Variants in ST3GAL5 observed in about 807,000 individuals in gnomAD.
ST3GAL5 encodes the protein ST3 beta-galactoside alpha-2,3-sialyltransferase 5.
Under a neutral mutation model 46.1 loss-of-function variants are expected in ST3GAL5, and 25 were observed. The observed-to-expected ratio is 0.54, with a 90% CI of 0.40 to 0.76. The LOEUF is 0.76. Among genes scored for constraint, ST3GAL5 ranks in the 30% least tolerant of loss-of-function variants. The probability of loss-of-function intolerance (pLI) is 0.00; values close to 1 mark genes in which losing one functional copy is unlikely to be tolerated. For missense variants in ST3GAL5, 431 were observed against 521.2 expected, an observed-to-expected ratio of 0.83 and a Z score of 1.69; for synonymous variants, 182 against 192.7, an observed-to-expected ratio of 0.94 and a Z score of 0.46.
At chr2:85,887,019 C>T (rs1687837988) in intron 1 of ST3GAL5, among the ~76,000 whole-genome samples, 1 of 152,148 alleles carries the variant, frequency 6.6e-6, no homozygotes, top group African/African-American at 2.4e-5. Context: ...GAGCTTTATC[C>T]CTTCTCCCAG....
Position 85,839,873 on chromosome 2 carries a change from CAA to C in ST3GAL5, c.*269_*270del, listed in dbSNP as rs1681797542. 2.0e-6 allele frequency: 1 copy of C among 490,170 alleles called. No homozygotes were observed. The highest frequency in any genetic ancestry group is 3.7e-6 in the Non-Finnish European group (1 of 270,394). The allele number at this position is 490,170 out of a possible 1,614,324, so 30.4% of individuals were successfully genotyped here. On this transcript the variant is annotated 3_prime_UTR_variant, in exon 7 of 7. Coordinates refer to ENST00000638572, the MANE Select transcript of ST3GAL5 (RefSeq NM_003896.4). ...TAAATTACTTTCTTAAAAATCAATACAACATCGTTACATACAATTCTCTTTGA... is the reference window on the plus strand; with the variant it reads ...TAAATTACTTTCTTAAAAATCAATACCATCGTTACATACAATTCTCTTTGA...
At chr2:85,841,396 G>A (rs1220050859) in intron 6 of ST3GAL5, among the ~76,000 whole-genome samples, 2 of 151,940 alleles carry the variant, frequency 1.3e-5, no homozygotes, top group South Asian at 4.2e-4. Context: ...ACAGTGGCGC[G>A]ATCACGGCTC....
In ST3GAL5 at chr2:85,848,174, G is replaced by T. The variant is rs1167287805; in HGVS notation, c.349C>A (p.Gln117Lys). The T allele has an allele frequency of 6.2e-7, 1 of 1,614,196 alleles. No individual in the cohort carries two copies. Among genetic ancestry groups the T allele is most frequent in the Admixed American group, 1.7e-5 (1 of 60,022 alleles). The change falls in exon 4 of 7, where the codon CAG becomes AAG. Residue 117 changes from glutamine to lysine, a missense_variant. Gln to Lys is a moderately conservative substitution (Grantham distance 53). Transcript: ENST00000638572. ...GCAAACTTGGGACGACATTCCTTCT[G>T]CAAGACTTGCTGAGCATATTTCTGA... is the stretch of plus-strand genomic sequence containing the variant. Reference protein sequence around the residue: ...RAQKYAQQVLQKECRPKFAKT... With the variant: ...RAQKYAQQVLKKECRPKFAKT...
At chr2:85,859,074 G>T (rs560285583) in intron 3 of ST3GAL5, among the ~76,000 whole-genome samples, 1 of 152,272 alleles carries the variant, frequency 6.6e-6, no homozygotes, top group East Asian at 1.9e-4. Flanking sequence ...GGCTGGACAG[G>T]AAAACTACTA....
chr2:85,872,408 C>T (rs1163291564), intron 1 of ST3GAL5, among the ~76,000 whole-genome samples: 1 of 152,026 alleles, frequency 6.6e-6, no homozygotes, highest in Non-Finnish European at 1.5e-5. Context: ...CATGGTGAAA[C>T]CCCATCTCTA....
At chr2:85,856,202 G>A (rs1036470909) in intron 3 of ST3GAL5, 4 of 152,152 alleles carry the variant, frequency 2.6e-5, no homozygotes, top group African/African-American at 7.2e-5. Flanking sequence ...TCCACTAACT[G>A]ATGAATGGAT....
chr2:85,856,310 T>C (rs1684102608), intron 3 of ST3GAL5: 1 of 152,102 alleles, frequency 6.6e-6, no homozygotes, highest in South Asian at 2.1e-4. Context: ...CAAAACATTA[T>C]CCTAAGTGAA....
At chr2:85,842,002 G>A (rs961862350) in intron 6 of ST3GAL5, among the ~76,000 whole-genome samples, 1 of 152,032 alleles carries the variant, frequency 6.6e-6, no homozygotes, top group South Asian at 2.1e-4. Flanking sequence ...CATCTTAGTT[G>A]AGCTTGTGGC....
intron 1 of ST3GAL5, among the ~76,000 whole-genome samples, chr2:85,876,462 CTTTTTTTTTT>C (rs59265377): frequency 2.7e-5 from 3 of 111,250 alleles, no homozygotes; most frequent in Admixed American, 1.1e-4. Flanking sequence ...TTTCTTTTTC[CTTTTTTTTTT>C]TTTTTTTTTG....
Position 85,888,982 on chromosome 2 carries a change from C to T in ST3GAL5, c.-77G>A. The T allele has an allele frequency of 2.6e-6, 3 of 1,151,972 alleles. No homozygotes were observed. Among genetic ancestry groups the T allele is most frequent in the Non-Finnish European group, 3.3e-6 (3 of 914,464 alleles). 71.4% of individuals were successfully genotyped at this position (1,151,972 alleles called of 1,614,324 possible). A position where few individuals can be genotyped will look rare whatever the true frequency, so the allele number is the denominator to read the frequency against. On this transcript the variant is annotated 5_prime_UTR_variant, in exon 1 of 7. The change abolishes an upstream ATG in the 5' untranslated region. Transcript: ENST00000638572. ...CCGCCCCCAGCGCCGCTCTCGCGCC[C>T]ATTCAGCTGGGGGCCGCCGCTCCCC...
At chr2:85,851,592 T>C (rs1171260507) in intron 3 of ST3GAL5, 6 of 1,289,444 alleles carry the variant, frequency 4.7e-6, no homozygotes, top group Non-Finnish European at 6.1e-6. Context: ...CCCACATCTT[T>C]AAGTAAGTTG....
intron 1 of ST3GAL5, among the ~76,000 whole-genome samples, chr2:85,869,500 G>C (rs1433798646): frequency 6.6e-6 from 1 of 151,770 alleles, no homozygotes; most frequent in Non-Finnish European, 1.5e-5. Context: ...TTTAAGCTAT[G>C]AAAAGACATT....
At chr2:85,840,502 G>C (rs974300453) in intron 6 of ST3GAL5, 110 bp from the exon 7 acceptor site, 2 of 1,153,326 alleles carry the variant, frequency 1.7e-6, no homozygotes, top group African/African-American at 3.1e-5. Flanking sequence ...ATTGGGGGCT[G>C]CAATTTCATA....
intron 3 of ST3GAL5, among the ~76,000 whole-genome samples, chr2:85,858,684 G>A (rs1684414695): frequency 6.6e-6 from 1 of 152,114 alleles, no homozygotes; most frequent in South Asian, 2.1e-4. Flanking sequence ...TGGATGCCTG[G>A]GACCGTCAAA....
chr2:85,864,276 T>C (rs993317265), intron 1 of ST3GAL5, among the ~76,000 whole-genome samples: 6 of 152,170 alleles, frequency 3.9e-5, no homozygotes, highest in Non-Finnish European at 7.3e-5. Context: ...TACAACCGCA[T>C]GTGAATACAA....
intron 1 of ST3GAL5, chr2:85,888,488 A>C: frequency 5.5e-6 from 1 of 181,998 alleles, no homozygotes; most frequent in Non-Finnish European, 1.1e-5. Context: ...CGGCTCTGCT[A>C]ACTCCGAAGC....
At position 85,838,404 on chromosome 2, in the gene ST3GAL5, G is replaced by C. The variant is rs1404286879; in HGVS notation, c.*1740C>G. Reference sequence around the variant, plus strand: ...CAATAACCCCCTGAGGGATGTAGGGGTGGAGCTGTGTGGTGTAAGCCCAGC... The same window carrying C: ...CAATAACCCCCTGAGGGATGTAGGGCTGGAGCTGTGTGGTGTAAGCCCAGC... On this transcript the variant is annotated 3_prime_UTR_variant, in exon 7 of 7. Coordinates refer to ENST00000638572, the MANE Select transcript of ST3GAL5 (RefSeq NM_003896.4). The C allele has an allele frequency of 6.6e-6, 1 of 152,188 alleles. No individual in the cohort carries two copies. The highest frequency in any genetic ancestry group is 2.4e-5 in the African/African-American group (1 of 41,458). 9.4% of individuals were successfully genotyped at this position (152,188 alleles called of 1,614,324 possible).
chr2:85,876,462 CTTTTTTTTTTT>C (rs59265377), intron 1 of ST3GAL5, among the ~76,000 whole-genome samples: 3 of 111,250 alleles, frequency 2.7e-5, no homozygotes, highest in African/African-American at 9.8e-5. Flanking sequence ...TTTCTTTTTC[CTTTTTTTTTTT>C]TTTTTTTTGA....
At chr2:85,869,429 T>C (rs1163800591) in intron 1 of ST3GAL5, among the ~76,000 whole-genome samples, 1 of 152,060 alleles carries the variant, frequency 6.6e-6, no homozygotes, top group Non-Finnish European at 1.5e-5. Flanking sequence ...TTACCAGTTC[T>C]ATTTTTGAAA....
Sources: allele counts gnomAD v4.1 joint callset (sites outside exome capture counted in the v4.1 genomes callset), GRCh38; gene constraint gnomAD v4.1.1; transcripts MANE v1.5; gene names NCBI Gene and HGNC (gene_info 2026-07-23, HGNC 2026-07-21).